The following SLC6A14 variants were observed in gnomAD, a reference collection of about 807,000 sequenced individuals.
SLC6A14 encodes sodium- and chloride-dependent neutral and basic amino acid transporter B(0+).
SLC6A14 carries 21 observed loss-of-function variants against 51.4 expected under a neutral mutation model. The ratio of observed to expected loss-of-function variants is 0.41; its 90% CI spans 0.29 to 0.59. The LOEUF (loss-of-function observed/expected upper bound fraction) is 0.59, where lower values mean the gene tolerates loss of function less well. Among genes scored for constraint, SLC6A14 ranks in the 20% least tolerant of loss-of-function variants. The probability of loss-of-function intolerance (pLI) is 0.31; values close to 1 mark genes in which losing one functional copy is unlikely to be tolerated. For synonymous variants in SLC6A14, 177 were observed against 160.7 expected (o/e 1.10, Z -0.77); for missense variants, 371 against 472.8 (o/e 0.78, Z 2.00).
intron 13 of SLC6A14, 95 bp downstream of exon 13, chrX:116,457,871 A>T: frequency 2.3e-5 from 15 of 647,032 alleles, no homozygotes; most frequent in Non-Finnish European, 3.3e-5. Context: ...AGATTGTATG[A>T]AATACAATTA....
At chrX:116,454,271 A>C in intron 9 of SLC6A14, 53 bp from the exon 10 acceptor site, 1 of 695,030 alleles carries the variant, frequency 1.4e-6, no homozygotes, top group Non-Finnish European at 2.3e-6. Context: ...TCTGTGATTA[A>C]CAGTATTGGC....
chrX:116,450,992 ATATAT>A (rs1172113201), intron 7 of SLC6A14, among the ~76,000 whole-genome samples: 1 of 112,398 alleles, frequency 8.9e-6, no homozygotes, highest in African/African-American at 3.2e-5. Flanking sequence ...TTAAAACTAC[ATATAT>A]TTAATTTAAC....
At position 116,437,831 on chromosome X, in the gene SLC6A14, T is replaced by C; in HGVS notation, c.90T>C (p.Asn30=). 1 of 1,207,129 alleles carries C rather than the reference T, an allele frequency of 8.3e-7. No homozygotes were observed. ...ASSENFHVGE[N]DENQDRGNWS... ...CAGAGAATTTCCATGTTGGTGAAAATGATGAGAATCAGGACCGTGGTAACT... is the reference window on the plus strand; with the variant it reads ...CAGAGAATTTCCATGTTGGTGAAAACGATGAGAATCAGGACCGTGGTAACT... Residue 30 remains asparagine (N), a synonymous_variant, in exon 2 of 14, where the codon AAT becomes AAC. Transcript: ENST00000598581.
At chrX:116,447,459 T>C (rs1245599183) in intron 7 of SLC6A14, among the ~76,000 whole-genome samples, 1 of 112,249 alleles carries the variant, frequency 8.9e-6, no homozygotes, top group Non-Finnish European at 1.9e-5. Context: ...CTATTTCAAC[T>C]TTGCCTTCAG....
At position 116,458,884 on chromosome X, in the gene SLC6A14, G is replaced by C; in HGVS notation, c.1858G>C (p.Asp620His). 1 of 1,203,336 alleles carries C rather than the reference G, an allele frequency of 8.3e-7. No individual in the cohort carries two copies. Among genetic ancestry groups the C allele is most frequent in the Non-Finnish European group, 1.1e-6 (1 of 890,414 alleles). ...ACAACATCGTGGGGAAAGATATAAA[G>C]ACATGGTAGATCCTAAAAAAGAGGC... ...LEQHRGERYKDMVDPKKEADH... is the reference protein window; with the variant it reads ...LEQHRGERYKHMVDPKKEADH... Residue 620 changes from aspartate to histidine, a missense_variant, in exon 14 of 14, where the codon GAC becomes CAC. Coordinates refer to ENST00000598581, the MANE Select transcript of SLC6A14 (RefSeq NM_007231.5).
chrX:116,457,013 T>C (rs1195770427), intron 12 of SLC6A14, among the ~76,000 whole-genome samples: 2 of 112,072 alleles, frequency 1.8e-5, no homozygotes, highest in Non-Finnish European at 3.8e-5. Flanking sequence ...TTTTTTGTTT[T>C]TCCCTCAGTA....
chrX:116,447,591 C>CTT (rs782273399), intron 7 of SLC6A14, among the ~76,000 whole-genome samples: 24 of 91,910 alleles, frequency 2.6e-4, no homozygotes, highest in African/African-American at 9.3e-4. Flanking sequence ...GCTTTCACTT[C>CTT]TTTTTTTTTT....
intron 8 of SLC6A14, 39 bp from the exon 9 acceptor site, chrX:116,452,978 T>A: frequency 9.5e-7 from 1 of 1,049,757 alleles, no homozygotes; most frequent in Non-Finnish European, 1.3e-6. Flanking sequence ...ATGTGAATAT[T>A]CTTGGTAACT....
chrX:116,439,208 A>G (rs1019863382), intron 2 of SLC6A14, among the ~76,000 whole-genome samples: 1 of 111,701 alleles, frequency 9.0e-6, no homozygotes, highest in Non-Finnish European at 1.9e-5. Context: ...GTTTTAATAG[A>G]AACTTTTAAA....
intron 2 of SLC6A14, among the ~76,000 whole-genome samples, chrX:116,438,158 CAAAATCCTCAGGTATAAACTTGATA>C (rs1444916627): frequency 9.0e-6 from 1 of 111,414 alleles, no homozygotes; most frequent in Non-Finnish European, 1.9e-5. Flanking sequence ...CCTAGTTTCA[CAAAATCCTCAGGTATAAACTTGATA>C]AAAAGCTTTA....
chrX:116,455,514 T>C (rs782059593), intron 12 of SLC6A14, 48 bp downstream of exon 12: 8 of 786,097 alleles, frequency 1.0e-5, no homozygotes, highest in Non-Finnish European at 1.5e-5. Context: ...ACATATGTTC[T>C]AAGATAAACT....
Position 116,461,451 on chromosome X carries a change from T to C in SLC6A14, c.*2496T>C, listed in dbSNP as rs1928055041. On this transcript the variant is annotated 3_prime_UTR_variant, in exon 14 of 14. Coordinates refer to ENST00000598581, the MANE Select transcript of SLC6A14 (RefSeq NM_007231.5). ...CAGTTGAGTGAAATTAAAATCACTATATCTCAACTAGTCGTCTACTGTCAC... is the reference window on the plus strand; with the variant it reads ...CAGTTGAGTGAAATTAAAATCACTACATCTCAACTAGTCGTCTACTGTCAC... 1 of 239,224 alleles carries C rather than the reference T, an allele frequency of 4.2e-6. No individual in the cohort carries two copies. The highest frequency in any genetic ancestry group is 7.4e-6 in the Non-Finnish European group (1 of 135,659). The allele number at this position is 239,224 out of a possible 1,213,427, so 19.7% of individuals were successfully genotyped here.
rs1556693651 is a variant in SLC6A14 at position 116,441,101 on chromosome X, G to A, written c.346+4G>A. On this transcript the variant is annotated splice_donor_region_variant and intron_variant, in intron 3 of 13. Transcript: ENST00000598581. ...AGGATTCTTCCATTGTTTCAAGGTT[G>A]GTATTAAAGCGTTTTCTTGGTATTA... The A allele has an allele frequency of 2.5e-6, 3 of 1,205,588 alleles. No homozygotes were observed. Among genetic ancestry groups the A allele is most frequent in the African/African-American group, 1.8e-5 (1 of 56,906 alleles).
In SLC6A14 at chrX:116,446,881, G is replaced by T; in HGVS notation, c.930G>T (p.Glu310Asp). 1 of 1,203,586 alleles carries T rather than the reference G, an allele frequency of 8.3e-7. No homozygotes were observed. The highest frequency in any genetic ancestry group is 1.1e-6 in the Non-Finnish European group (1 of 889,869). Residue 310 changes from glutamate to aspartate, a missense_variant and splice_region_variant, in exon 7 of 14, where the codon GAG (glutamate) becomes GAT (aspartate). Coordinates refer to ENST00000598581, the MANE Select transcript of SLC6A14 (RefSeq NM_007231.5). The part of the protein sequence containing the change: ...QSNFTKLKEA[E>D]VWKDAATQIF... ...ATTTTACAAAACTTAAGGAAGCTGAGGTGAGTCTTAATTTGGATTTCAAAT... is the reference window on the plus strand; with the variant it reads ...ATTTTACAAAACTTAAGGAAGCTGATGTGAGTCTTAATTTGGATTTCAAAT...
At chrX:116,450,662 C>T (rs1221678490) in intron 7 of SLC6A14, among the ~76,000 whole-genome samples, 2 of 111,881 alleles carry the variant, frequency 1.8e-5, no homozygotes, top group Admixed American at 9.5e-5. Context: ...AAAGGCCAGG[C>T]GCGGTTGCTC....
chrX:116,454,964 A>AT lies in SLC6A14; in HGVS notation c.1405-6dup, dbSNP rs1305999036. ...TAAAATATACTTAGAAGTAATTAAC[A>AT]TTTTTTTGGTAGGCTGGAATTTACT... On this transcript the variant is annotated splice_polypyrimidine_tract_variant and intron_variant, in intron 10 of 13. Transcript: ENST00000598581. 6.9e-6 allele frequency: 8 copies of AT among 1,151,503 alleles called. No individual in the cohort carries two copies. The highest frequency in any genetic ancestry group is 2.4e-5 in the Admixed American group (1 of 41,857). The allele number at this position is 1,151,503 out of a possible 1,213,427, so 94.9% of individuals were successfully genotyped here. A position where few individuals can be genotyped will look rare whatever the true frequency, so the allele number is the denominator to read the frequency against.
rs1556694875 is a variant in SLC6A14, at chrX:116,457,726, C to G, written c.1732C>G (p.Pro578Ala). 1.7e-6 allele frequency: 2 copies of G among 1,200,078 alleles called. No individual in the cohort carries two copies. Residue 578 changes from proline to alanine, a missense_variant, in exon 13 of 14, where the codon CCA becomes GCA. Physicochemically the swap from Pro to Ala is conservative, Grantham distance 27 (BLOSUM62 -1). Coordinates refer to ENST00000598581, the MANE Select transcript of SLC6A14 (RefSeq NM_007231.5). ...CMIVFCIIWI[P>A]IMAIIKIIQA... ...GATTGTTTTCTGCATTATTTGGATT[C>G]CAATTATGGCTATCATAAAAATAAT...
chrX:116,447,902 A>C (rs1400428515), intron 7 of SLC6A14, among the ~76,000 whole-genome samples: 1 of 111,159 alleles, frequency 9.0e-6, no homozygotes, highest in Non-Finnish European at 1.9e-5. Context: ...TGGCCCTTTC[A>C]CTTTTTTACT....
chrX:116,458,909 C>T lies in SLC6A14; in HGVS notation c.1883C>T (p.Ala628Val), dbSNP rs781875319. The change falls in exon 14 of 14, where the codon GCT becomes GTT. Residue 628 changes from alanine (A) to valine (V), a missense_variant. Around this residue, in one of 2 missense-constraint regions of SLC6A14, gnomAD observed 94 missense variants for 81.0 expected, o/e 1.16. Transcript: ENST00000598581. Reference protein sequence around the residue: ...YKDMVDPKKEADHEIPTVSGS... With the variant: ...YKDMVDPKKEVDHEIPTVSGS... ...GACATGGTAGATCCTAAAAAAGAGG[C>T]TGACCATGAAATACCTACTGTTAGT... is the stretch of plus-strand genomic sequence containing the variant. 44 of 1,199,778 alleles carry T rather than the reference C, an allele frequency of 3.7e-5. No individual in the cohort carries two copies. Among genetic ancestry groups the T allele is most frequent in the Non-Finnish European group, 4.9e-5 (44 of 889,578 alleles).
Sources: allele counts gnomAD v4.1 joint callset (sites outside exome capture counted in the v4.1 genomes callset), GRCh38; gene constraint gnomAD v4.1.1; regional missense constraint gnomAD v4.1.1; transcripts MANE v1.5; gene names NCBI Gene and HGNC (gene_info 2026-07-23, HGNC 2026-07-21).